Variants in DRG1 observed in about 807,000 individuals in gnomAD.
The protein encoded by DRG1 is developmentally regulated GTP binding protein 1, also known as developmentally-regulated GTP-binding protein 1.
DRG1 carries 19 observed loss-of-function variants against 38.8 expected under a neutral mutation model. That is an observed-to-expected ratio of 0.49 (90% confidence interval 0.34 to 0.72). The LOEUF is 0.72. Among genes scored for constraint, DRG1 ranks in the 30% least tolerant of loss-of-function variants. The pLI is 0.01. For synonymous variants in DRG1, 167 were observed against 157.5 expected (o/e 1.06, Z -0.45); for missense variants, 299 against 444.8 (o/e 0.67, Z 2.95).
At chr22:31,403,908 C>T (rs796457016) in intron 3 of DRG1, among the ~76,000 whole-genome samples, 54 of 151,558 alleles carry the variant, frequency 3.6e-4, no homozygotes, top group African/African-American at 1.3e-3. Flanking sequence ...CATATCTGGA[C>T]CATGGCTTGA....
chr22:31,402,701 G>A (rs900869482), intron 2 of DRG1, among the ~76,000 whole-genome samples: 1 of 151,934 alleles, frequency 6.6e-6, no homozygotes, highest in African/African-American at 2.4e-5. Context: ...GTAGAGACAG[G>A]GTTTTGCCAT....
intron 2 of DRG1, among the ~76,000 whole-genome samples, chr22:31,402,358 AAAAC>A (rs1234198285): frequency 4.6e-5 from 7 of 152,086 alleles, no homozygotes; most frequent in African/African-American, 1.4e-4. Flanking sequence ...CAAAAAAACA[AAAAC>A]AAAACTCTTT....
intron 4 of DRG1, among the ~76,000 whole-genome samples, chr22:31,415,376 T>C (rs540925040): frequency 1.2e-4 from 18 of 152,236 alleles, no homozygotes; most frequent in Non-Finnish European, 2.2e-4. Context: ...GCTCTCGATA[T>C]TAATTCCTTG....
At chr22:31,406,245 C>T (rs959781714) in intron 3 of DRG1, among the ~76,000 whole-genome samples, 16 of 152,084 alleles carry the variant, frequency 1.1e-4, no homozygotes, top group African/African-American at 3.9e-4. Flanking sequence ...CATGATCTGC[C>T]TGCCTCGACC....
Position 31,432,237 on chromosome 22 carries a change from T to A in DRG1, c.1005-1635T>A, listed in dbSNP as rs190137469. Among the ~76,000 whole-genome samples, 424 of 151,996 alleles carry A rather than the reference T, an allele frequency of 2.8e-3. 1 individual carries two copies. The highest frequency in any genetic ancestry group is 4.1e-3 in the Non-Finnish European group (280 of 67,946). On this transcript the variant is annotated intron_variant, in intron 8 of 8. Coordinates refer to ENST00000331457, the MANE Select transcript of DRG1 (RefSeq NM_004147.4). ...GACTACAGGTGCAAACCACCATGCC[T>A]GGCTAATTTTTTCTATTTTTCTAGA... is the stretch of plus-strand genomic sequence containing the variant.
chr22:31,411,134 A>C, intron 4 of DRG1, 53 bp downstream of exon 4: 1 of 1,582,876 alleles, frequency 6.3e-7, no homozygotes, highest in Non-Finnish European at 8.7e-7. Flanking sequence ...CTCTGGTACT[A>C]TTCTTTTAGT....
At chr22:31,419,188 G>A (rs895565698) in intron 4 of DRG1, among the ~76,000 whole-genome samples, 1 of 151,880 alleles carries the variant, frequency 6.6e-6, no homozygotes, top group East Asian at 1.9e-4. Context: ...CTGCAGTCTC[G>A]GCAGTTTGGG....
At chr22:31,424,238 G>A (rs1270530785) in intron 6 of DRG1, among the ~76,000 whole-genome samples, 1 of 150,302 alleles carries the variant, frequency 6.7e-6, no homozygotes, top group African/African-American at 2.4e-5. Flanking sequence ...AACCTCCTCC[G>A]CCTCCCAGGT....
In DRG1 at chr22:31,434,039, C is replaced by G; in HGVS notation, c.*68C>G. 2.7e-6 allele frequency: 4 copies of G among 1,470,584 alleles called. No homozygotes were observed. Among genetic ancestry groups the G allele is most frequent in the Non-Finnish European group, 3.8e-6 (4 of 1,063,048 alleles). The allele number at this position is 1,470,584 out of a possible 1,614,324, so 91.1% of individuals were successfully genotyped here. ...TTCCCCATGATCAAGCACCCTACCC[C>G]AGTTCTTTCTGGTTTTGGCAGTCAC... On this transcript the variant is annotated 3_prime_UTR_variant, in exon 9 of 9. Coordinates refer to ENST00000331457, the MANE Select transcript of DRG1 (RefSeq NM_004147.4).
intron 8 of DRG1, among the ~76,000 whole-genome samples, chr22:31,429,379 A>G (rs1055000904): frequency 2.0e-5 from 3 of 152,010 alleles, no homozygotes; most frequent in South Asian, 2.1e-4. Flanking sequence ...CGGCCTCCCA[A>G]AGTGCTGGGA....
intron 4 of DRG1, among the ~76,000 whole-genome samples, chr22:31,418,411 TC>T (rs1298009819): frequency 1.3e-5 from 2 of 152,118 alleles, no homozygotes; most frequent in African/African-American, 4.8e-5. Flanking sequence ...TGAGCTATGA[TC>T]ATGCGACTGC....
chr22:31,410,659 C>T (rs1204277751), intron 3 of DRG1, among the ~76,000 whole-genome samples: 1 of 151,868 alleles, frequency 6.6e-6, no homozygotes, highest in Non-Finnish European at 1.5e-5. Flanking sequence ...ACTAAAAATA[C>T]AAAAAAGTTT....
At chr22:31,430,469 C>G (rs905262964) in intron 8 of DRG1, among the ~76,000 whole-genome samples, 6 of 151,456 alleles carry the variant, frequency 4.0e-5, no homozygotes, top group African/African-American at 1.5e-4. Context: ...GCGCCATCTC[C>G]GCTCACTGCA....
chr22:31,408,550 C>G (rs540127570), intron 3 of DRG1, among the ~76,000 whole-genome samples: 2 of 151,584 alleles, frequency 1.3e-5, no homozygotes, highest in Admixed American at 6.6e-5. Context: ...GAGTTCGAGA[C>G]CAGCCTGGCC....
chr22:31,422,904 T>C (rs1378095778), intron 5 of DRG1, among the ~76,000 whole-genome samples: 1 of 152,210 alleles, frequency 6.6e-6, no homozygotes, highest in Non-Finnish European at 1.5e-5. Flanking sequence ...GTGTTTGCTC[T>C]GTGTGTCTGT....
At chr22:31,402,970 A>G in intron 2 of DRG1, 59 bp from the exon 3 acceptor site, 2 of 1,528,372 alleles carry the variant, frequency 1.3e-6, no homozygotes, top group Non-Finnish European at 1.8e-6. Flanking sequence ...AAGAAGTTAT[A>G]TGAGTCTTAA....
chr22:31,410,909 G>A, intron 3 of DRG1, 103 bp from the exon 4 acceptor site: 1 of 1,227,934 alleles, frequency 8.1e-7, no homozygotes, highest in Non-Finnish European at 1.2e-6. Flanking sequence ...ATTTGGGTCT[G>A]ATAAATTATA....
At chr22:31,428,833 T>C (rs1177854129) in intron 8 of DRG1, among the ~76,000 whole-genome samples, 1 of 152,180 alleles carries the variant, frequency 6.6e-6, no homozygotes, top group African/African-American at 2.4e-5. Context: ...GTTTGTCCAG[T>C]GTTCTCTCAT....
At position 31,433,417 on chromosome 22, in the gene DRG1, C is replaced by T. The variant is rs190538324; in HGVS notation, c.1005-455C>T. Among the ~76,000 whole-genome samples, 652 of 151,908 alleles carry T rather than the reference C, an allele frequency of 4.3e-3. 40 individuals are homozygous for T. In the South Asian group the frequency reaches 0.08, roughly 19 times the overall value. On this transcript the variant is annotated intron_variant, in intron 8 of 8. Transcript: ENST00000331457. ...TCCCGAGTAGTTGGGATTACAGGCA[C>T]CCGCCACCATGCCCAGCTAATTTTT...
Sources: gnomAD v4.1 joint callset for allele counts (sites outside exome capture counted in the v4.1 genomes callset) on GRCh38, gnomAD v4.1.1 for gene constraint, MANE v1.5 for transcripts, NCBI Gene and HGNC (gene_info 2026-07-23, HGNC 2026-07-21) for gene names.